BOP1: variants seen among roughly 807,000 people sequenced by gnomAD.
BOP1 encodes BOP1 ribosomal biogenesis factor, also known as ribosome biogenesis protein BOP1.
In BOP1, 54 loss-of-function variants were observed where a neutral mutation model predicts 82.9. That is an observed-to-expected ratio of 0.65 (90% confidence interval 0.52 to 0.82). The LOEUF is 0.82. Among genes scored for constraint, BOP1 ranks in the 40% least tolerant of loss-of-function variants. The pLI, the probability that BOP1 is intolerant of heterozygous loss-of-function variation, is 0.00. For synonymous variants in BOP1, 566 were observed against 451.1 expected (o/e 1.25, Z -3.23); for missense variants, 1,170 against 1,072.0 (o/e 1.09, Z -1.28).
intron 3 of BOP1, among the ~76,000 whole-genome samples, chr8:144,270,931 C>T (rs1845481812): frequency 6.6e-6 from 1 of 152,180 alleles, no homozygotes; most frequent in South Asian, 2.1e-4. Flanking sequence ...GCTGTCAGCT[C>T]CTGTCCCCGG....
chr8:144,286,392 C>T (rs1050157700), intron 2 of BOP1, among the ~76,000 whole-genome samples: 37 of 147,576 alleles, frequency 2.5e-4, no homozygotes, highest in African/African-American at 8.1e-4. Context: ...CGGGCAGGTG[C>T]ATGGGCGCCA....
rs1845281596 is a variant in BOP1 at position 144,263,466 on chromosome 8, G to A, written c.1424+12C>T. On this transcript the variant is annotated intron_variant, in intron 11 of 15. Transcript: ENST00000569669. ...CACCCCTGGCTCCCCAGCCCCCAGG[G>A]CCTCCACTTACACGGCTGCAGCCAC... 1.9e-6 allele frequency: 3 copies of A among 1,597,960 alleles called. No homozygotes were observed. Among genetic ancestry groups the A allele is most frequent in the Non-Finnish European group, 2.5e-6 (3 of 1,179,656 alleles).
chr8:144,281,026 TCACTTTAATAC>T (rs2130251773), intron 2 of BOP1, among the ~76,000 whole-genome samples: 1 of 146,346 alleles, frequency 6.8e-6, no homozygotes, highest in Non-Finnish European at 1.5e-5. Flanking sequence ...CGGCCTTCTC[TCACTTTAATAC>T]CAGGTCTTAG....
At chr8:144,281,089 C>CCAGGTCTTAGGCCTTCCCTCAG (rs1845668702) in intron 2 of BOP1, among the ~76,000 whole-genome samples, 2 of 144,756 alleles carry the variant, frequency 1.4e-5, no homozygotes, top group South Asian at 2.3e-4. Flanking sequence ...CCTTCTCTCA[C>CCAGGTCTTAGGCCTTCCCTCAG]TTTAATACCA....
chr8:144,289,360 C>T, intron 1 of BOP1, 56 bp from the exon 2 acceptor site: 1 of 1,573,178 alleles, frequency 6.4e-7, no homozygotes, highest in Non-Finnish European at 8.6e-7. Context: ...GGGCACTGAA[C>T]ACTGCAGGGA....
intron 3 of BOP1, among the ~76,000 whole-genome samples, chr8:144,270,547 T>TAGC (rs1385607955): frequency 6.6e-6 from 1 of 151,918 alleles, no homozygotes; most frequent in Non-Finnish European, 1.5e-5. Context: ...GCTGCACCGG[T>TAGC]AGCAGCGGCC....
At chr8:144,288,991 G>A in intron 2 of BOP1, 104 bp downstream of exon 2, 1 of 1,290,078 alleles carries the variant, frequency 7.8e-7, no homozygotes, top group Non-Finnish European at 1.1e-6. Context: ...CCGGCCTTGG[G>A]GTTCTGAGGG....
chr8:144,263,774 C>CGGT lies in BOP1; in HGVS notation c.1222-14_1222-13insACC. The CGGT allele has an allele frequency of 1.3e-6, 2 of 1,595,264 alleles. No individual in the cohort carries two copies. Among genetic ancestry groups the CGGT allele is most frequent in the Non-Finnish European group, 1.7e-6 (2 of 1,172,472 alleles). On this transcript the variant is annotated splice_polypyrimidine_tract_variant and intron_variant, in intron 9 of 15. Transcript: ENST00000569669. ...GGCCCCTGTAGACCTGAGGAGGCGG[C>CGGT]GGCAGTGAGGAGTCAGACTGGGAGG...
chr8:144,267,186 C>T (rs1033946636), intron 3 of BOP1: 53 of 1,520,616 alleles, frequency 3.5e-5, no homozygotes, highest in Admixed American at 1.9e-4. Flanking sequence ...AGTTGGTGAG[C>T]ACGGGCCGTG....
At chr8:144,262,802 C>CGGGGG in intron 13 of BOP1, 51 bp downstream of exon 13, 1 of 845,248 alleles carries the variant, frequency 1.2e-6, no homozygotes, top group Non-Finnish European at 1.6e-6. Context: ...CAGGGTACAC[C>CGGGGG]GCCCCCCCCC....
chr8:144,287,560 G>A (rs1205757250), intron 2 of BOP1, among the ~76,000 whole-genome samples: 1 of 151,934 alleles, frequency 6.6e-6, no homozygotes, highest in Non-Finnish European at 1.5e-5. Flanking sequence ...GAGTGCAGTG[G>A]CTCTATCATA....
chr8:144,286,780 A>G lies in BOP1; in HGVS notation c.309+2315T>C, dbSNP rs73374017. ...CAGGCCCTGCTGGATGACGGAGCAC[A>G]CAGACCACAGACAGCGGTACTTTGG... On this transcript the variant is annotated intron_variant, in intron 2 of 15. Coordinates refer to ENST00000569669, the MANE Select transcript of BOP1 (RefSeq NM_015201.5). Among the ~76,000 whole-genome samples the G allele has an allele frequency of 7.5e-3, 1,149 of 152,328 alleles. 13 individuals carry two copies. Among genetic ancestry groups the G allele is most frequent in the African/African-American group, 0.026 (1,065 of 41,566 alleles).
chr8:144,268,180 G>C lies in BOP1; in HGVS notation c.391-3109C>G. On this transcript the variant is annotated intron_variant, in intron 3 of 15. Transcript: ENST00000569669. ...AGCAGCCAGGAGGCAGACGCTGCTG[G>C]GGGAGGTGGACGCCCGGGGTGACTG... 4 of 1,549,582 alleles carry C rather than the reference G, an allele frequency of 2.6e-6. No homozygotes were observed. In the South Asian group the frequency reaches 3.6e-5, roughly 14 times the overall value.
intron 3 of BOP1, chr8:144,266,701 A>G: frequency 8.2e-7 from 1 of 1,222,970 alleles, no homozygotes; most frequent in Non-Finnish European, 1.0e-6. Context: ...GGACCGCGGC[A>G]GCGACAGCTC....
At chr8:144,289,563 G>A (rs943986959) in intron 1 of BOP1, among the ~76,000 whole-genome samples, 1 of 152,188 alleles carries the variant, frequency 6.6e-6, no homozygotes, top group African/African-American at 2.4e-5. Context: ...CAGGGAAGGG[G>A]CTTTTCAAGG....
intron 4 of BOP1, 42 bp downstream of exon 4, chr8:144,264,875 C>T (rs907575457): frequency 2.8e-5 from 45 of 1,608,146 alleles, no homozygotes; most frequent in African/African-American, 1.2e-4. Flanking sequence ...CCCCACCCCT[C>T]GGGCCCACCC....
Position 144,262,519 on chromosome 8 carries a change from C to T in BOP1, c.1980-16G>A. On this transcript the variant is annotated splice_polypyrimidine_tract_variant and intron_variant, in intron 14 of 15. Coordinates refer to ENST00000569669, the MANE Select transcript of BOP1 (RefSeq NM_015201.5). ...CTTGTGGTGTCTGGGGGGAGGGAAC[C>T]AGGTTGAAGGCAGGCTCGGGCTGAA... 7 of 1,613,034 alleles carry T rather than the reference C, an allele frequency of 4.3e-6. No homozygotes were observed. The highest frequency in any genetic ancestry group is 5.9e-6 in the Non-Finnish European group (7 of 1,179,788).
At chr8:144,274,213 C>T (rs1845536522) in intron 3 of BOP1, among the ~76,000 whole-genome samples, 1 of 152,194 alleles carries the variant, frequency 6.6e-6, no homozygotes, top group Non-Finnish European at 1.5e-5. Flanking sequence ...GCCCTCCCTG[C>T]CCTGCTACCA....
Position 144,289,129 on chromosome 8 carries a change from C to T in BOP1, c.275G>A (p.Ser92Asn). ...CTCCTCAGTGGTCTTTTTAATCCCA[C>T]TGTGGCCCTCGTCATCAAGGGCTCC... ...EDGALDDEGH[S>N]GIKKTTEEQV... Residue 92 changes from serine to asparagine, a missense_variant, in exon 2 of 16, where the codon AGT becomes AAT. Transcript: ENST00000569669. 6.2e-7 allele frequency: 1 copy of T among 1,614,206 alleles called. No individual in the cohort carries two copies. The highest frequency in any genetic ancestry group is 1.1e-5 in the South Asian group (1 of 91,088).
Sources: allele counts gnomAD v4.1 joint callset (sites outside exome capture counted in the v4.1 genomes callset), GRCh38; gene constraint gnomAD v4.1.1; transcripts MANE v1.5; gene names NCBI Gene and HGNC (gene_info 2026-07-23, HGNC 2026-07-21).